FMNL2: variants seen among roughly 807,000 people sequenced by gnomAD.
The protein encoded by FMNL2 is formin like 2.
A neutral mutation model predicts 130.2 loss-of-function variants in FMNL2; 51 were observed. The ratio of observed to expected loss-of-function variants is 0.39; its 90% CI spans 0.31 to 0.49. The LOEUF (loss-of-function observed/expected upper bound fraction) is 0.49, where lower values mean the gene tolerates loss of function less well. Among genes scored for constraint, FMNL2 ranks in the 20% least tolerant of loss-of-function variants. The pLI is 0.85. For missense variants in FMNL2, 977 were observed against 1,316.2 expected (o/e 0.74, Z 3.99); for synonymous variants, 465 against 467.1 (o/e 1.00, Z 0.06).
At chr2:152,439,216 T>C (rs1687931096) in intron 1 of FMNL2, among the ~76,000 whole-genome samples, 1 of 152,084 alleles carries the variant, frequency 6.6e-6, no homozygotes, top group African/African-American at 2.4e-5. Flanking sequence ...TTATGTCATA[T>C]ATGAAAATGG....
intron 1 of FMNL2, among the ~76,000 whole-genome samples, chr2:152,391,609 T>A (rs1271463550): frequency 6.6e-6 from 1 of 151,936 alleles, no homozygotes; most frequent in East Asian, 1.9e-4. Context: ...TTTGCCTTAC[T>A]GTAGTTAGAC....
At chr2:152,458,574 A>C (rs1408239719) in intron 1 of FMNL2, among the ~76,000 whole-genome samples, 7 of 152,212 alleles carry the variant, frequency 4.6e-5, no homozygotes, top group Admixed American at 3.9e-4. Context: ...ACTGTTATTT[A>C]ACTTTCACAA....
intron 9 of FMNL2, among the ~76,000 whole-genome samples, chr2:152,593,238 A>AAAAC (rs369690552): frequency 1.5e-3 from 235 of 152,170 alleles, no homozygotes; most frequent in Non-Finnish European, 1.8e-3. Flanking sequence ...ACCTGTGATT[A>AAAAC]AAACAAACAA....
chr2:152,410,486 T>C (rs534947116), intron 1 of FMNL2, among the ~76,000 whole-genome samples: 1 of 152,310 alleles, frequency 6.6e-6, no homozygotes, highest in South Asian at 2.1e-4. Context: ...TGAGTCAATG[T>C]AGTATTTTGA....
chr2:152,593,900 TGTGAGAGAGA>T (rs1285478524), intron 9 of FMNL2, among the ~76,000 whole-genome samples: 217 of 80,808 alleles, frequency 2.7e-3, no homozygotes, highest in Middle Eastern at 6.3e-3. Context: ...TGTGTGTGTG[TGTGAGAGAGA>T]GAGAGAGAGA....
At chr2:152,497,150 C>T (rs188430678) in intron 1 of FMNL2, among the ~76,000 whole-genome samples, 27 of 152,126 alleles carry the variant, frequency 1.8e-4, no homozygotes, top group African/African-American at 6.5e-4. Context: ...TCTCACTTTC[C>T]CCCTTATATG....
chr2:152,343,033 T>C (rs958896996), intron 1 of FMNL2, among the ~76,000 whole-genome samples: 1 of 152,228 alleles, frequency 6.6e-6, no homozygotes, highest in African/African-American at 2.4e-5. Flanking sequence ...CTTCATATAG[T>C]TTCTGTGATT....
intron 9 of FMNL2, among the ~76,000 whole-genome samples, chr2:152,590,775 G>A (rs1254666808): frequency 6.6e-6 from 1 of 151,924 alleles, no homozygotes; most frequent in Non-Finnish European, 1.5e-5. Context: ...TTAAATATAT[G>A]TGTGTGTATA....
At chr2:152,643,574 C>A in intron 25 of FMNL2, 4 of 1,532,296 alleles carry the variant, frequency 2.6e-6, no homozygotes, top group Non-Finnish European at 3.5e-6. Context: ...TGTCTTATGT[C>A]CCCCTCTGTG....
chr2:152,404,514 A>C (rs748805654), intron 1 of FMNL2, among the ~76,000 whole-genome samples: 5 of 152,178 alleles, frequency 3.3e-5, no homozygotes, highest in Non-Finnish European at 5.9e-5. Flanking sequence ...TGTTTGTGTC[A>C]TCTGATTGCC....
intron 20 of FMNL2, among the ~76,000 whole-genome samples, chr2:152,631,806 G>C (rs1682191127): frequency 6.6e-6 from 1 of 152,126 alleles, no homozygotes; most frequent in African/African-American, 2.4e-5. Flanking sequence ...TGCCCTGGTT[G>C]GAAAGTCCTT....
intron 1 of FMNL2, among the ~76,000 whole-genome samples, chr2:152,386,445 A>T (rs1005885981): frequency 6.6e-6 from 1 of 152,198 alleles, no homozygotes; most frequent in South Asian, 2.1e-4. Context: ...TTAATAAGTT[A>T]TGTGATTTTA....
At chr2:152,487,008 T>G (rs1346854132) in intron 1 of FMNL2, among the ~76,000 whole-genome samples, 1 of 152,254 alleles carries the variant, frequency 6.6e-6, no homozygotes, top group Non-Finnish European at 1.5e-5. Context: ...TTGGCTCTTT[T>G]GCATAATCCA....
At chr2:152,555,221 G>A (rs1360490571) in intron 4 of FMNL2, among the ~76,000 whole-genome samples, 1 of 152,146 alleles carries the variant, frequency 6.6e-6, no homozygotes, top group Non-Finnish European at 1.5e-5. Context: ...GCCCTGAGAG[G>A]GTTTCAGGGA....
chr2:152,379,012 A>AAAAAAAAG, intron 1 of FMNL2, among the ~76,000 whole-genome samples: 1 of 145,900 alleles, frequency 6.9e-6, no homozygotes, highest in Admixed American at 7.1e-5. Flanking sequence ...AAAAAAAAAA[A>AAAAAAAAG]GCCAGGGCAG....
chr2:152,366,030 A>G (rs4442949), intron 1 of FMNL2, among the ~76,000 whole-genome samples: 77,950 of 151,874 alleles, frequency 0.51, 24,053 homozygotes, highest in Non-Finnish European at 0.72. Flanking sequence ...GGCTTTCAGA[A>G]GTCATGGATC....
intron 1 of FMNL2, among the ~76,000 whole-genome samples, chr2:152,389,786 G>A (rs1684997559): frequency 1.3e-5 from 2 of 152,146 alleles, no homozygotes; most frequent in African/African-American, 2.4e-5. Flanking sequence ...AGCTTCCTTC[G>A]ACGCAAAACA....
intron 1 of FMNL2, among the ~76,000 whole-genome samples, chr2:152,477,813 T>C (rs957738132): frequency 5.9e-5 from 9 of 152,108 alleles, no homozygotes. Context: ...CCAGTAAAGG[T>C]GTCTTTGGTT....
chr2:152,396,337 C>T (rs143761399), intron 1 of FMNL2, among the ~76,000 whole-genome samples: 2,072 of 152,300 alleles, frequency 0.014, 41 homozygotes, highest in African/African-American at 0.048. Flanking sequence ...AAAAGTCAAA[C>T]AGGAATGAGT....
Sources: allele counts gnomAD v4.1 joint callset (sites outside exome capture counted in the v4.1 genomes callset), GRCh38; gene constraint gnomAD v4.1.1; transcripts MANE v1.5; gene names NCBI Gene and HGNC (gene_info 2026-07-23, HGNC 2026-07-21).